ERC1: variants seen among roughly 807,000 people sequenced by gnomAD.
ERC1 encodes RAB6 interacting protein 2.
In ERC1, 56 loss-of-function variants were observed where a neutral mutation model predicts 132.0. That is an observed-to-expected ratio of 0.42 (90% CI 0.34 to 0.53). The LOEUF (loss-of-function observed/expected upper bound fraction) is 0.53, where lower values mean the gene tolerates loss of function less well. Ranked by LOEUF, ERC1 falls within the 20% of genes least tolerant of loss-of-function variation. ERC1 has a pLI of 0.03. For synonymous variants in ERC1, 478 were observed against 476.1 expected (o/e 1.00, Z -0.05); for missense variants, 1,202 against 1,349.9 (o/e 0.89, Z 1.72).
intron 3 of ERC1, among the ~76,000 whole-genome samples, chr12:1,101,771 G>C (rs771281204): frequency 6.6e-6 from 1 of 152,164 alleles, no homozygotes; most frequent in African/African-American, 2.4e-5. Context: ...TGGGGTATAC[G>C]TGTAAAGGTA....
chr12:1,392,230 C>T (rs879290852), intron 16 of ERC1, among the ~76,000 whole-genome samples: 3 of 152,084 alleles, frequency 2.0e-5, no homozygotes, highest in Admixed American at 6.5e-5. Context: ...CAGACCTACT[C>T]AACAGGAGTT....
intron 8 of ERC1, among the ~76,000 whole-genome samples, chr12:1,168,223 TG>T (rs1468461322): frequency 6.6e-5 from 10 of 152,078 alleles, no homozygotes; most frequent in African/African-American, 2.4e-4. Context: ...TGGGCTCAGG[TG>T]ATCCTCCTAC....
chr12:1,339,237 G>A (rs1276319058), intron 15 of ERC1, among the ~76,000 whole-genome samples: 267 of 118,530 alleles, frequency 2.3e-3, no homozygotes, highest in African/African-American at 7.1e-3. Flanking sequence ...TCAGCTGGAC[G>A]ACTGTGACAG....
At position 1,175,912 on chromosome 12, in the gene ERC1, G is replaced by C. The variant is rs1233510629; in HGVS notation, c.1738-4628G>C. ...CTCCACTTCTAATTCTGTTTCTCTT[G>C]CTATTTCCACATCTTTAGTGACTAC... On this transcript the variant is annotated intron_variant, in intron 8 of 18. Transcript: ENST00000360905. Among the ~76,000 whole-genome samples, 71 of 152,110 alleles carry C rather than the reference G, an allele frequency of 4.7e-4. 1 individual carries two copies. The highest frequency in any genetic ancestry group is 1.0e-4 in the Non-Finnish European group (7 of 68,040).
rs561774503 is a variant in ERC1, at chr12:1,340,947, T to C, written c.2781-30886T>C. ...GTTTTCCAGTTCTTGTTATTTTCAT[T>C]CTAAGGGGTACATTGCCAGTATATT... On this transcript the variant is annotated intron_variant, in intron 15 of 18. Coordinates refer to ENST00000360905, the MANE Select transcript of ERC1 (RefSeq NM_178040.4). 3.9e-5 allele frequency among the ~76,000 whole-genome samples: 6 copies of C among 152,190 alleles called. No individual in the cohort carries two copies. The East Asian group carries it at 1.2e-3, about 29-fold the overall frequency.
intron 2 of ERC1, among the ~76,000 whole-genome samples, chr12:1,079,996 C>G (rs1265081764): frequency 6.6e-6 from 1 of 152,132 alleles, no homozygotes; most frequent in African/African-American, 2.4e-5. Context: ...TTGAGAGTTC[C>G]CAAGAAAAAT....
At chr12:1,216,767 C>G (rs1199856762) in intron 12 of ERC1, among the ~76,000 whole-genome samples, 1 of 152,126 alleles carries the variant, frequency 6.6e-6, no homozygotes, top group Non-Finnish European at 1.5e-5. Flanking sequence ...CTAGCAACCA[C>G]TATATGTCTG....
At chr12:1,068,717 G>T (rs1432789002) in intron 2 of ERC1, among the ~76,000 whole-genome samples, 1 of 152,048 alleles carries the variant, frequency 6.6e-6, no homozygotes, top group East Asian at 1.9e-4. Flanking sequence ...CTCCTCTTAT[G>T]CCCGATTGCT....
At chr12:1,485,689 C>T (rs955991837) in intron 18 of ERC1, among the ~76,000 whole-genome samples, 2 of 151,942 alleles carry the variant, frequency 1.3e-5, no homozygotes, top group African/African-American at 2.4e-5. Flanking sequence ...TTTATTATGT[C>T]TTTCAAGCCG....
intron 15 of ERC1, among the ~76,000 whole-genome samples, chr12:1,356,274 G>T (rs536909312): frequency 7.3e-5 from 11 of 149,788 alleles, no homozygotes; most frequent in Middle Eastern, 3.5e-3. Context: ...CGTTGAGGAA[G>T]AAGAGATCCA....
intron 15 of ERC1, among the ~76,000 whole-genome samples, chr12:1,353,448 A>C (rs569166742): frequency 1.3e-5 from 2 of 152,244 alleles, no homozygotes; most frequent in Non-Finnish European, 2.9e-5. Context: ...AGGGTTACAA[A>C]GAGACAGCTC....
At chr12:1,271,151 T>G (rs1295890546) in intron 14 of ERC1, among the ~76,000 whole-genome samples, 1 of 152,082 alleles carries the variant, frequency 6.6e-6, no homozygotes, top group African/African-American at 2.4e-5. Context: ...AAAAAAGAAG[T>G]ATAAAAAGAT....
chr12:1,363,304 C>T (rs764793503), intron 15 of ERC1, among the ~76,000 whole-genome samples: 12 of 152,088 alleles, frequency 7.9e-5, no homozygotes, highest in Non-Finnish European at 1.6e-4. Context: ...ACTAAGTCTT[C>T]TAAACTTGCC....
chr12:1,097,099 T>G (rs1013671889), intron 3 of ERC1, among the ~76,000 whole-genome samples: 1 of 152,232 alleles, frequency 6.6e-6, no homozygotes, highest in Non-Finnish European at 1.5e-5. Context: ...TCCTCCTTTT[T>G]TTTCTCGTGC....
At chr12:1,055,466 C>T (rs2154171558) in intron 2 of ERC1, among the ~76,000 whole-genome samples, 2 of 152,300 alleles carry the variant, frequency 1.3e-5, no homozygotes, top group Middle Eastern at 3.4e-3. Flanking sequence ...AGGCGTGAAC[C>T]ACCATACTTG....
At chr12:1,176,576 T>A (rs1347670416) in intron 8 of ERC1, among the ~76,000 whole-genome samples, 1 of 152,066 alleles carries the variant, frequency 6.6e-6, no homozygotes, top group Non-Finnish European at 1.5e-5. Context: ...GTTTTTTTTT[T>A]CTTTTCTTTT....
At chr12:1,423,648 G>A (rs183920036) in intron 17 of ERC1, among the ~76,000 whole-genome samples, 144 of 152,242 alleles carry the variant, frequency 9.5e-4, no homozygotes, top group African/African-American at 3.0e-3. Flanking sequence ...TAGAGGGAGA[G>A]GTCTGTTAAT....
chr12:1,082,596 T>C (rs1942394410), intron 2 of ERC1, among the ~76,000 whole-genome samples: 1 of 151,558 alleles, frequency 6.6e-6, no homozygotes. Flanking sequence ...GTTCAAGCGA[T>C]TCTCCTGTCT....
At chr12:1,438,640 TA>T (rs1411127547) in intron 17 of ERC1, among the ~76,000 whole-genome samples, 1 of 152,088 alleles carries the variant, frequency 6.6e-6, no homozygotes, top group Non-Finnish European at 1.5e-5. Flanking sequence ...ATGTTAGCTT[TA>T]AAAAAATGGC....
Sources: allele counts gnomAD v4.1 joint callset (sites outside exome capture counted in the v4.1 genomes callset), GRCh38; gene constraint gnomAD v4.1.1; transcripts MANE v1.5; gene names NCBI Gene and HGNC (gene_info 2026-07-23, HGNC 2026-07-21).